The following LHFPL3 variants were observed in gnomAD, a reference collection of about 807,000 sequenced individuals.
LHFPL3 encodes the protein LHFPL tetraspan subfamily member 3.
Under a neutral mutation model 19.3 loss-of-function variants are expected in LHFPL3, and 5 were observed. The ratio of observed to expected loss-of-function variants is 0.26; its 90% CI spans 0.14 to 0.54. LHFPL3 has a LOEUF of 0.54. Among genes scored for constraint, LHFPL3 ranks in the 20% least tolerant of loss-of-function variants. LHFPL3 has a pLI of 0.94. For missense variants in LHFPL3, 249 were observed against 307.4 expected, an observed-to-expected ratio of 0.81 and a Z score of 1.42; for synonymous variants, 133 against 126.2, an observed-to-expected ratio of 1.05 and a Z score of -0.36.
At chr7:104,436,537 T>G (rs185062188) in intron 1 of LHFPL3, among the ~76,000 whole-genome samples, 1 of 152,348 alleles carries the variant, frequency 6.6e-6, no homozygotes, top group African/African-American at 2.4e-5. Flanking sequence ...TGAATATGCT[T>G]CTTTATTTTT....
At chr7:104,455,790 A>G (rs1792527214) in intron 1 of LHFPL3, among the ~76,000 whole-genome samples, 1 of 152,224 alleles carries the variant, frequency 6.6e-6, no homozygotes, top group Non-Finnish European at 1.5e-5. Flanking sequence ...ATGACAAAGT[A>G]TATTCCTTAT....
intron 1 of LHFPL3, among the ~76,000 whole-genome samples, chr7:104,512,579 T>A (rs2115775172): frequency 6.6e-6 from 1 of 151,824 alleles, no homozygotes; most frequent in East Asian, 1.9e-4. Context: ...CTACTAAGAA[T>A]ACAAAAATTA....
chr7:104,736,150 A>C (rs942982534), intron 1 of LHFPL3, among the ~76,000 whole-genome samples: 2 of 152,180 alleles, frequency 1.3e-5, no homozygotes, highest in Non-Finnish European at 2.9e-5. Context: ...GAGAAAAAAA[A>C]CAAAACTTTT....
At chr7:104,349,076 C>A (rs1202628039) in intron 1 of LHFPL3, among the ~76,000 whole-genome samples, 1 of 152,008 alleles carries the variant, frequency 6.6e-6, no homozygotes, top group Non-Finnish European at 1.5e-5. Context: ...TTAAAACTCT[C>A]TGGGAAGACA....
chr7:104,566,050 G>C (rs1036962501), intron 1 of LHFPL3, among the ~76,000 whole-genome samples: 10 of 152,148 alleles, frequency 6.6e-5, no homozygotes, highest in Non-Finnish European at 1.2e-4. Context: ...TTGTGACTCG[G>C]AACTCACCTT....
intron 1 of LHFPL3, among the ~76,000 whole-genome samples, chr7:104,484,134 T>C (rs559205310): frequency 2.0e-5 from 3 of 152,166 alleles, no homozygotes; most frequent in Non-Finnish European, 4.4e-5. Flanking sequence ...AATTCTTATT[T>C]CCTTTCTTCA....
At chr7:104,849,726 C>T (rs1327853777) in intron 2 of LHFPL3, among the ~76,000 whole-genome samples, 1 of 152,296 alleles carries the variant, frequency 6.6e-6, no homozygotes, top group Non-Finnish European at 1.5e-5. Flanking sequence ...GTGGGGAAAC[C>T]CAGCAGGGCC....
rs147662320 is a variant in LHFPL3, at chr7:104,396,684, C to T, written c.445+67460C>T. Among the ~76,000 whole-genome samples the T allele has an allele frequency of 3.5e-3, 537 of 151,634 alleles. 2 individuals carry two copies. The highest frequency in any genetic ancestry group is 0.012 in the African/African-American group (486 of 41,348). ...ATAAAAAGTGTGCAGAGGGCAGGCG[C>T]AGTGGCTCATGCATGTCATCCCTGC... On this transcript the variant is annotated intron_variant, in intron 1 of 2. Coordinates refer to ENST00000424859, the MANE Select transcript of LHFPL3 (RefSeq NM_199000.3).
intron 1 of LHFPL3, chr7:104,669,425 A>C: frequency 6.2e-7 from 1 of 1,613,530 alleles, no homozygotes; most frequent in Non-Finnish European, 8.5e-7. Flanking sequence ...TCAGATAGGA[A>C]AGATGGCAAA....
intron 1 of LHFPL3, among the ~76,000 whole-genome samples, chr7:104,519,370 T>TTTGGA (rs1471719268): frequency 6.6e-6 from 1 of 152,120 alleles, no homozygotes; most frequent in East Asian, 1.9e-4. Context: ...ATTGGGAACT[T>TTTGGA]TTGGATCAAA....
At chr7:104,874,878 A>ACTCTGT (rs1791907876) in intron 2 of LHFPL3, among the ~76,000 whole-genome samples, 1 of 149,122 alleles carries the variant, frequency 6.7e-6, no homozygotes, top group Non-Finnish European at 1.5e-5. Context: ...TAAGGGGCTC[A>ACTCTGT]CTCTGTCACC....
intron 1 of LHFPL3, among the ~76,000 whole-genome samples, chr7:104,579,129 C>A (rs1790403830): frequency 6.6e-6 from 1 of 152,136 alleles, no homozygotes; most frequent in South Asian, 2.1e-4. Context: ...CAGAGGAAAT[C>A]TGTATACTAT....
intron 2 of LHFPL3, among the ~76,000 whole-genome samples, chr7:104,828,907 C>T (rs558059182): frequency 8.6e-5 from 13 of 151,890 alleles, no homozygotes; most frequent in Admixed American, 2.0e-4. Flanking sequence ...TGATGGTGCA[C>T]GCCTGTAATC....
chr7:104,715,818 A>G (rs1197433667), intron 1 of LHFPL3, among the ~76,000 whole-genome samples: 1 of 152,148 alleles, frequency 6.6e-6, no homozygotes, highest in African/African-American at 2.4e-5. Flanking sequence ...GGATTTTTGC[A>G]TCCGTACTTA....
chr7:104,633,636 A>G (rs1791682034), intron 1 of LHFPL3, among the ~76,000 whole-genome samples: 2 of 152,224 alleles, frequency 1.3e-5, no homozygotes, highest in Admixed American at 1.3e-4. Context: ...TGTTCATTAC[A>G]ATATGGCAGT....
At chr7:104,642,779 G>A (rs533096260) in intron 1 of LHFPL3, among the ~76,000 whole-genome samples, 58 of 152,290 alleles carry the variant, frequency 3.8e-4, no homozygotes, top group African/African-American at 7.2e-4. Flanking sequence ...TGCCAGATCC[G>A]TCAGAAGGCA....
At chr7:104,595,645 G>T (rs1584427242) in intron 1 of LHFPL3, among the ~76,000 whole-genome samples, 3 of 152,242 alleles carry the variant, frequency 2.0e-5, no homozygotes, top group Non-Finnish European at 4.4e-5. Context: ...GCTGCCTTTT[G>T]TTCCGCTATG....
intron 2 of LHFPL3, chr7:104,845,505 G>A (rs937389466): frequency 4.0e-6 from 6 of 1,490,444 alleles, no homozygotes; most frequent in African/African-American, 1.4e-5. Flanking sequence ...TGTTTTCTCC[G>A]CTGTTTTCTG....
intron 2 of LHFPL3, among the ~76,000 whole-genome samples, chr7:104,788,186 A>G (rs914650590): frequency 3.3e-5 from 5 of 152,208 alleles, no homozygotes; most frequent in Non-Finnish European, 7.3e-5. Context: ...CTGTTCTTAT[A>G]ATCTCTGACA....
Sources: allele counts gnomAD v4.1 joint callset (sites outside exome capture counted in the v4.1 genomes callset), GRCh38; gene constraint gnomAD v4.1.1; transcripts MANE v1.5; gene names NCBI Gene and HGNC (gene_info 2026-07-23, HGNC 2026-07-21).